Variants in OR1J2 observed in about 807,000 individuals in gnomAD.
OR1J2 encodes olfactory receptor family 1 subfamily J member 2, also known as olfactory receptor 1J2.
For missense variants in OR1J2, 304 were observed against 246.1 expected, an observed-to-expected ratio of 1.24 and a Z score of -1.57; for synonymous variants, 142 against 99.7, an observed-to-expected ratio of 1.42 and a Z score of -2.52.
the OR1J2 span, among the ~76,000 whole-genome samples, chr9:122,473,193 T>G: frequency 4.1e-5 from 6 of 145,834 alleles, no homozygotes; most frequent in Non-Finnish European, 5.9e-5. Context: ...TAGTTTTCTT[T>G]TAGTACAATC....
chr9:122,481,142 T>C, the OR1J2 span, among the ~76,000 whole-genome samples: 6 of 152,206 alleles, frequency 3.9e-5, 1 homozygote, highest in Admixed American at 3.9e-4. Flanking sequence ...CCTCTATGTG[T>C]CCATGTGTTC....
the OR1J2 span, among the ~76,000 whole-genome samples, chr9:122,455,280 T>C: frequency 1.3e-5 from 2 of 152,230 alleles, no homozygotes; most frequent in African/African-American, 4.8e-5. Flanking sequence ...TTTAACTGAT[T>C]GAGGAATAAA....
chr9:122,561,613 G>A, the OR1J2 span, among the ~76,000 whole-genome samples: 1 of 151,990 alleles, frequency 6.6e-6, no homozygotes, highest in Admixed American at 6.6e-5. Context: ...GCTGTGGTTT[G>A]CTGGGGGTTC....
the OR1J2 span, among the ~76,000 whole-genome samples, chr9:122,484,791 G>T: frequency 2.2e-4 from 33 of 152,268 alleles, no homozygotes; most frequent in African/African-American, 7.7e-4. Context: ...CTAACACTTT[G>T]GGAGGCTGAG....
At chr9:122,470,770 C>T in the OR1J2 span, among the ~76,000 whole-genome samples, 2 of 152,204 alleles carry the variant, frequency 1.3e-5, no homozygotes, top group African/African-American at 4.8e-5. Context: ...GGGAACCCAC[C>T]TCTTGCATCA....
chr9:122,531,640 CT>C, the OR1J2 span, among the ~76,000 whole-genome samples: 5 of 152,156 alleles, frequency 3.3e-5, no homozygotes, highest in Non-Finnish European at 5.9e-5. Context: ...GGTGGCTGAG[CT>C]TGATAAGGTG....
At chr9:122,508,159 A>G (rs955380066), upstream of OR1J2, among the ~76,000 whole-genome samples, 6 of 147,342 alleles carry the variant, frequency 4.1e-5, no homozygotes, top group African/African-American at 1.3e-4. Flanking sequence ...AGAGAGAGAA[A>G]GGAGAAGGAG....
the OR1J2 span, among the ~76,000 whole-genome samples, chr9:122,536,357 C>G: frequency 6.6e-6 from 1 of 152,184 alleles, no homozygotes; most frequent in African/African-American, 2.4e-5. Flanking sequence ...TCTTATGCTT[C>G]TGGTTAATGA....
At chr9:122,574,922 T>C in the OR1J2 span, among the ~76,000 whole-genome samples, 1 of 152,148 alleles carries the variant, frequency 6.6e-6, no homozygotes, top group Non-Finnish European at 1.5e-5. Flanking sequence ...TGTTGGAGTT[T>C]GTCAAATGAT....
At chr9:122,452,628 C>T in the OR1J2 span, among the ~76,000 whole-genome samples, 54 of 152,072 alleles carry the variant, frequency 3.6e-4, no homozygotes, top group Non-Finnish European at 1.9e-4. Flanking sequence ...GGATATTTGT[C>T]CTGCTCAAAT....
At chr9:122,564,734 A>G in the OR1J2 span, among the ~76,000 whole-genome samples, 3 of 152,200 alleles carry the variant, frequency 2.0e-5, no homozygotes, top group African/African-American at 7.2e-5. Flanking sequence ...GTGTGTAGCT[A>G]TTGATCTGGC....
the OR1J2 span, among the ~76,000 whole-genome samples, chr9:122,537,794 A>G: frequency 6.6e-6 from 1 of 152,218 alleles, no homozygotes; most frequent in African/African-American, 2.4e-5. Context: ...GGATAAGGTC[A>G]GAGCAGAAGC....
the OR1J2 span, among the ~76,000 whole-genome samples, chr9:122,472,075 C>T: frequency 0.33 from 49,841 of 152,056 alleles, 9,448 homozygotes; most frequent in Non-Finnish European, 0.44. Context: ...ATCCTGGGAA[C>T]GCAGGGTGCA....
At chr9:122,530,180 A>G in the OR1J2 span, among the ~76,000 whole-genome samples, 1 of 152,218 alleles carries the variant, frequency 6.6e-6, no homozygotes, top group South Asian at 2.1e-4. Flanking sequence ...CCAGATCAGT[A>G]GGGGAGGCTG....
At chr9:122,529,317 A>T in the OR1J2 span, among the ~76,000 whole-genome samples, 1 of 152,232 alleles carries the variant, frequency 6.6e-6, no homozygotes, top group Non-Finnish European at 1.5e-5. Flanking sequence ...AGACAATGCC[A>T]TATTTTCCTA....
chr9:122,526,449 A>G, the OR1J2 span: 10 of 1,537,520 alleles, frequency 6.5e-6, no homozygotes, highest in Middle Eastern at 1.8e-4. Flanking sequence ...GGGGTTCAAC[A>G]TGGGAGTCAC....
At chr9:122,561,207 T>G in the OR1J2 span, among the ~76,000 whole-genome samples, 1 of 152,166 alleles carries the variant, frequency 6.6e-6, no homozygotes, top group Admixed American at 6.5e-5. Context: ...CCATCATTTA[T>G]GTTCCTGATT....
At chr9:122,549,428 A>G in the OR1J2 span, among the ~76,000 whole-genome samples, 1 of 152,144 alleles carries the variant, frequency 6.6e-6, no homozygotes, top group East Asian at 1.9e-4. Flanking sequence ...TAGCAATGCA[A>G]ATGGACTCAC....
chr9:122,466,532 G>A, the OR1J2 span, among the ~76,000 whole-genome samples: 1 of 152,184 alleles, frequency 6.6e-6, no homozygotes, highest in Non-Finnish European at 1.5e-5. Flanking sequence ...CACCTTGCCT[G>A]CACCCCTGAG....
Sources: allele counts gnomAD v4.1 joint callset (sites outside exome capture counted in the v4.1 genomes callset), GRCh38; gene constraint gnomAD v4.1.1; transcripts MANE v1.5; gene names NCBI Gene and HGNC (gene_info 2026-07-23, HGNC 2026-07-21).